Variants in DENND1A observed in about 807,000 individuals in gnomAD.
The protein encoded by DENND1A is DENN domain-containing protein 1A.
In DENND1A, 51 loss-of-function variants were observed where a neutral mutation model predicts 113.7. The ratio of observed to expected loss-of-function variants is 0.45; its 90% CI spans 0.36 to 0.57. DENND1A has a LOEUF of 0.57. Among genes scored for constraint, DENND1A ranks in the 20% least tolerant of loss-of-function variants. The pLI, the probability that DENND1A is intolerant of heterozygous loss-of-function variation, is 0.00. For missense variants in DENND1A, 1,258 were observed against 1,395.9 expected (o/e 0.90, Z 1.57); for synonymous variants, 565 against 570.8 (o/e 0.99, Z 0.14).
At chr9:123,421,459 C>T (rs1347456189) in intron 19 of DENND1A, among the ~76,000 whole-genome samples, 1 of 152,040 alleles carries the variant, frequency 6.6e-6, no homozygotes. Context: ...TCCTCGGGTC[C>T]GCTCCTCTCT....
chr9:123,574,184 T>G (rs2058508269), intron 12 of DENND1A, among the ~76,000 whole-genome samples: 2 of 150,572 alleles, frequency 1.3e-5, no homozygotes, highest in African/African-American at 4.8e-5. Flanking sequence ...TTTTTTTTTT[T>G]TTTTTTTGTT....
intron 5 of DENND1A, among the ~76,000 whole-genome samples, chr9:123,725,702 G>C (rs760200477): frequency 1.3e-5 from 2 of 152,212 alleles, no homozygotes; most frequent in Non-Finnish European, 2.9e-5. Context: ...AGACTGTACG[G>C]GCCTCACTGC....
chr9:123,764,396 T>C lies in DENND1A; in HGVS notation c.182+5118A>G, dbSNP rs764887340. ...CCTTTCCTTCAGTGCGTATGAGGCA[T>C]GAGGCAGGAATGAAGCTTCATCAAA... On this transcript the variant is annotated intron_variant, in intron 4 of 23. Coordinates refer to ENST00000394215, the MANE Select transcript of DENND1A (RefSeq NM_001352964.2). This position sits in a 1 kb window ranked among gnomAD's most constrained non-coding sequence, Gnocchi z 4.1. Among the ~76,000 whole-genome samples the C allele has an allele frequency of 1.4e-4, 22 of 152,196 alleles. No homozygotes were observed. The highest frequency in any genetic ancestry group is 2.9e-4 in the Non-Finnish European group (20 of 68,036).
chr9:123,408,915 C>A (rs10818818), intron 20 of DENND1A, among the ~76,000 whole-genome samples: 1 of 152,040 alleles, frequency 6.6e-6, no homozygotes, highest in East Asian at 1.9e-4. Flanking sequence ...ATTCCCTGCC[C>A]GCCTTGGATC....
At chr9:123,925,480 T>G (rs1053635750) in intron 1 of DENND1A, among the ~76,000 whole-genome samples, 2 of 152,204 alleles carry the variant, frequency 1.3e-5, no homozygotes, top group Admixed American at 6.5e-5. Flanking sequence ...TTTTGTTTTT[T>G]TTGTTGTTTT....
chr9:123,392,478 C>T (rs191920433), intron 21 of DENND1A, among the ~76,000 whole-genome samples: 2 of 152,248 alleles, frequency 1.3e-5, no homozygotes, highest in Non-Finnish European at 2.9e-5. Context: ...GTCTTGGCTA[C>T]GCTGTGTCCC....
intron 11 of DENND1A, among the ~76,000 whole-genome samples, chr9:123,604,377 A>G (rs977200851): frequency 6.6e-6 from 1 of 152,202 alleles, no homozygotes; most frequent in Non-Finnish European, 1.5e-5. Context: ...CACTACAATT[A>G]CTTTATATTT....
intron 5 of DENND1A, among the ~76,000 whole-genome samples, chr9:123,743,594 T>C (rs538382548): frequency 6.6e-6 from 1 of 151,762 alleles, no homozygotes; most frequent in South Asian, 2.1e-4. Flanking sequence ...TAGCTGAGCA[T>C]GGTCGTGGGT....
At chr9:123,384,211 C>T (rs951865837) in intron 22 of DENND1A, among the ~76,000 whole-genome samples, 27 of 152,250 alleles carry the variant, frequency 1.8e-4, no homozygotes, top group Non-Finnish European at 1.6e-4. Context: ...GGCTACTGGG[C>T]TTGTGAGCCA....
At chr9:123,756,250 T>G (rs2070534217) in intron 5 of DENND1A, among the ~76,000 whole-genome samples, 2 of 152,154 alleles carry the variant, frequency 1.3e-5, no homozygotes, top group South Asian at 4.1e-4. Context: ...ATATGTGGAT[T>G]TTCAACTGTG....
At chr9:123,929,423 G>A (rs577035782) in intron 1 of DENND1A, among the ~76,000 whole-genome samples, 1 of 152,274 alleles carries the variant, frequency 6.6e-6, no homozygotes, top group South Asian at 2.1e-4. Flanking sequence ...CACCATGAGC[G>A]GCCCCTCCCT....
In DENND1A at chr9:123,586,291, C is replaced by T. The variant is rs138636009; in HGVS notation, c.766-3021G>A. Among the ~76,000 whole-genome samples, 793 of 152,190 alleles carry T rather than the reference C, an allele frequency of 5.2e-3. 1 individual carries two copies. Among genetic ancestry groups the T allele is most frequent in the Middle Eastern group, 0.02 (6 of 294 alleles). On this transcript the variant is annotated intron_variant, in intron 11 of 23. Transcript: ENST00000394215. ...ATGTTGATTCTGGACCAGAATCAGG[C>T]CTTGTTTCTGTGCTCCCATTGGGCC...
chr9:123,427,508 T>C (rs1204407853), intron 19 of DENND1A, among the ~76,000 whole-genome samples: 1 of 152,170 alleles, frequency 6.6e-6, no homozygotes, highest in Non-Finnish European at 1.5e-5. Context: ...TAACCTGCCA[T>C]TTCTCTTCTG....
chr9:123,675,797 G>T (rs1200570398), intron 6 of DENND1A, among the ~76,000 whole-genome samples: 2 of 152,274 alleles, frequency 1.3e-5, no homozygotes, highest in East Asian at 3.9e-4. Flanking sequence ...GAAAACAGCA[G>T]AATTATTTTG....
chr9:123,562,156 A>G (rs1420647236), intron 12 of DENND1A, among the ~76,000 whole-genome samples: 1 of 152,162 alleles, frequency 6.6e-6, no homozygotes, highest in Non-Finnish European at 1.5e-5. Flanking sequence ...CATCACCTTC[A>G]GAAAAACATC....
chr9:123,732,939 C>T (rs1174318058), intron 5 of DENND1A, among the ~76,000 whole-genome samples: 1 of 152,210 alleles, frequency 6.6e-6, no homozygotes, highest in East Asian at 1.9e-4. Context: ...ATGGACAGCA[C>T]TAAGCAAATA....
chr9:123,575,001 C>T (rs1037065953), intron 12 of DENND1A, among the ~76,000 whole-genome samples: 3 of 152,188 alleles, frequency 2.0e-5, no homozygotes, highest in Non-Finnish European at 4.4e-5. Context: ...CCTTAGTCTC[C>T]TCTGGTTTAG....
intron 22 of DENND1A, among the ~76,000 whole-genome samples, chr9:123,385,160 C>T (rs1588257409): frequency 6.6e-6 from 1 of 152,012 alleles, no homozygotes; most frequent in African/African-American, 2.4e-5. Flanking sequence ...GTGCATCTAG[C>T]CTTTTTTATA....
intron 2 of DENND1A, among the ~76,000 whole-genome samples, chr9:123,819,574 G>T (rs995456997): frequency 1.3e-5 from 2 of 152,020 alleles, no homozygotes; most frequent in African/African-American, 2.4e-5. Context: ...CCCAGGTGGG[G>T]GTTCAGTGGC....
Sources: allele counts gnomAD v4.1 joint callset (sites outside exome capture counted in the v4.1 genomes callset), GRCh38; gene constraint gnomAD v4.1.1; non-coding constraint Gnocchi (gnomAD v3.1); transcripts MANE v1.5; gene names NCBI Gene and HGNC (gene_info 2026-07-23, HGNC 2026-07-21).